The following RELN variants were observed in gnomAD, a reference collection of about 807,000 sequenced individuals.
RELN encodes reelin.
In RELN, 108 loss-of-function variants were observed where a neutral mutation model predicts 427.6. The ratio of observed to expected loss-of-function variants is 0.25; its 90% CI spans 0.22 to 0.30. The LOEUF (loss-of-function observed/expected upper bound fraction) is 0.30. RELN is among the 10% of genes least tolerant of loss of function. RELN has a pLI of 1.00. For synonymous variants in RELN, 1,524 were observed against 1,513.4 expected, an observed-to-expected ratio of 1.01 and a Z score of -0.16; for missense variants, 3,715 against 4,302.8, an observed-to-expected ratio of 0.86 and a Z score of 3.82.
chr7:103,795,494 G>A (rs994441050), intron 3 of RELN, among the ~76,000 whole-genome samples: 6 of 152,126 alleles, frequency 3.9e-5, no homozygotes, highest in Non-Finnish European at 7.4e-5. Context: ...TAACAAAAAA[G>A]CCAAGAACTT....
At chr7:103,907,727 A>C (rs1449003062) in intron 2 of RELN, among the ~76,000 whole-genome samples, 1 of 151,944 alleles carries the variant, frequency 6.6e-6, no homozygotes, top group African/African-American at 2.4e-5. Context: ...TAGCTTTAAA[A>C]GAATATCTGA....
At chr7:103,664,250 GTTA>G (rs1172807666) in intron 11 of RELN, among the ~76,000 whole-genome samples, 2 of 152,102 alleles carry the variant, frequency 1.3e-5, no homozygotes, top group East Asian at 3.9e-4. Context: ...TATCTTTTTT[GTTA>G]TTATTAACAA....
intron 1 of RELN, among the ~76,000 whole-genome samples, chr7:103,926,160 GCA>G (rs1795730911): frequency 7.2e-6 from 1 of 139,106 alleles, no homozygotes; most frequent in African/African-American, 2.7e-5. Context: ...GAGTGCAGTG[GCA>G]CAATCTTGGC....
intron 2 of RELN, among the ~76,000 whole-genome samples, chr7:103,882,140 A>G (rs577482034): frequency 1.2e-4 from 18 of 152,368 alleles, no homozygotes; most frequent in African/African-American, 3.8e-4. Context: ...AAAGAAAAGG[A>G]GAAATAATGA....
At chr7:103,645,096 C>T (rs1170635566) in intron 16 of RELN, among the ~76,000 whole-genome samples, 4 of 151,718 alleles carry the variant, frequency 2.6e-5, no homozygotes, top group East Asian at 1.9e-4. Flanking sequence ...TTCATTACCA[C>T]TAGACCAATC....
rs558318090 is a variant in RELN, at chr7:103,946,850, C to T, written c.227-29665G>A. 2.0e-5 allele frequency among the ~76,000 whole-genome samples: 3 copies of T among 152,252 alleles called. No homozygotes were observed. The South Asian group carries it at 6.2e-4, about 32-fold the overall frequency. ...TGATAAGCAGAAGTAAGCGCTTTTG[C>T]AATGTGATTGCCTTTCATCCATGAT... On this transcript the variant is annotated intron_variant, in intron 1 of 64. Transcript: ENST00000428762.
At chr7:103,908,867 T>A (rs1161553417) in intron 2 of RELN, among the ~76,000 whole-genome samples, 3 of 140,818 alleles carry the variant, frequency 2.1e-5, no homozygotes, top group Non-Finnish European at 4.5e-5. Context: ...AGCTCTGCTC[T>A]TTGTACATTG....
intron 1 of RELN, among the ~76,000 whole-genome samples, chr7:103,963,319 A>G (rs1026389673): frequency 6.6e-6 from 1 of 152,166 alleles, no homozygotes. Context: ...ACTACAAAGC[A>G]TTTTCACATA....
intron 2 of RELN, among the ~76,000 whole-genome samples, chr7:103,849,118 C>T (rs762053832): frequency 1.3e-5 from 2 of 152,178 alleles, no homozygotes; most frequent in Non-Finnish European, 2.9e-5. Flanking sequence ...ATCCTTTTAA[C>T]AGTCACAGTT....
intron 2 of RELN, among the ~76,000 whole-genome samples, chr7:103,844,733 G>A (rs1027558733): frequency 1.3e-5 from 2 of 152,044 alleles, no homozygotes; most frequent in African/African-American, 2.4e-5. Context: ...TAGAACTGTG[G>A]GAATGATTAA....
At chr7:103,505,470 A>T (rs1014442228) in intron 51 of RELN, among the ~76,000 whole-genome samples, 7 of 152,200 alleles carry the variant, frequency 4.6e-5, no homozygotes, top group Admixed American at 2.6e-4. Flanking sequence ...GACCTGCAGC[A>T]GAGGGGCCTG....
At chr7:103,854,346 T>C (rs772821218) in intron 2 of RELN, among the ~76,000 whole-genome samples, 9 of 152,236 alleles carry the variant, frequency 5.9e-5, no homozygotes, top group African/African-American at 1.2e-4. Context: ...AAAGTCACGA[T>C]TGAATTACAT....
intron 4 of RELN, among the ~76,000 whole-genome samples, chr7:103,759,314 C>A (rs191852175): frequency 1.5e-4 from 23 of 152,184 alleles, no homozygotes; most frequent in Admixed American, 1.2e-3. Flanking sequence ...CATGAAAAGA[C>A]CCAGTTCATA....
At chr7:103,918,237 A>AACC (rs1296134793) in intron 1 of RELN, among the ~76,000 whole-genome samples, 2 of 152,128 alleles carry the variant, frequency 1.3e-5, no homozygotes, top group African/African-American at 2.4e-5. Context: ...GATTGGAACA[A>AACC]ACCACCTTCT....
At chr7:103,509,301 A>T (rs1298479208) in intron 51 of RELN, among the ~76,000 whole-genome samples, 2 of 152,220 alleles carry the variant, frequency 1.3e-5, no homozygotes, top group African/African-American at 4.8e-5. Context: ...GTACCAAAAC[A>T]GTTATATAGA....
At chr7:103,912,348 C>T (rs1286382376) in intron 2 of RELN, among the ~76,000 whole-genome samples, 1 of 151,874 alleles carries the variant, frequency 6.6e-6, no homozygotes, top group African/African-American at 2.4e-5. Context: ...CCATGCCTGG[C>T]TAATTTTTTG....
At chr7:103,745,560 C>T (rs1284356128) in intron 6 of RELN, among the ~76,000 whole-genome samples, 2 of 151,346 alleles carry the variant, frequency 1.3e-5, no homozygotes, top group East Asian at 3.9e-4. Flanking sequence ...TAAGCAACTT[C>T]AGCAAAGTCT....
chr7:103,983,885 G>GTGTA (rs1554452543), intron 1 of RELN, among the ~76,000 whole-genome samples: 1 of 151,912 alleles, frequency 6.6e-6, no homozygotes, highest in African/African-American at 2.4e-5. Flanking sequence ...GTGTGTGTGT[G>GTGTA]TGTGTGTGTG....
intron 2 of RELN, among the ~76,000 whole-genome samples, chr7:103,870,040 C>T (rs562580106): frequency 2.4e-4 from 37 of 152,116 alleles, no homozygotes; most frequent in Non-Finnish European, 4.3e-4. Context: ...ATGAACCCTT[C>T]ATTCCAGCTT....
Sources: gnomAD v4.1 joint callset for allele counts (sites outside exome capture counted in the v4.1 genomes callset) on GRCh38, gnomAD v4.1.1 for gene constraint, MANE v1.5 for transcripts, NCBI Gene and HGNC (gene_info 2026-07-23, HGNC 2026-07-21) for gene names.